STPG4: variants seen among roughly 807,000 people sequenced by gnomAD.
STPG4 encodes the protein sperm-tail PG-rich repeat containing 4, also known as protein STPG4.
In STPG4, 41 loss-of-function variants were observed where a neutral mutation model predicts 31.5. That is an observed-to-expected ratio of 1.30 (90% CI 1.01 to 1.69). The LOEUF is 1.69. Ranked by LOEUF, STPG4 falls within the 40% of genes most tolerant of loss-of-function variation. The probability of loss-of-function intolerance (pLI) is 0.00; values close to 1 mark genes in which losing one functional copy is unlikely to be tolerated. For missense variants in STPG4, 375 were observed against 293.4 expected, an observed-to-expected ratio of 1.28 and a Z score of -2.03; for synonymous variants, 141 against 103.0, an observed-to-expected ratio of 1.37 and a Z score of -2.24.
chr2:47,126,113 T>A (rs1349235258), intron 5 of STPG4, among the ~76,000 whole-genome samples: 2 of 152,222 alleles, frequency 1.3e-5, no homozygotes, highest in African/African-American at 4.8e-5. Context: ...CATACTGTTT[T>A]TGCTACAATA....
chr2:47,151,638 T>A, intron 2 of STPG4, 123 bp from the exon 3 acceptor site: 1 of 754,878 alleles, frequency 1.3e-6, no homozygotes, highest in Non-Finnish European at 2.2e-6. Context: ...TGAAATTATA[T>A]CAAATACAGT....
intron 6 of STPG4, among the ~76,000 whole-genome samples, chr2:47,088,455 G>C (rs1210840153): frequency 6.6e-6 from 1 of 152,208 alleles, no homozygotes; most frequent in African/African-American, 2.4e-5. Context: ...CTGAGTTCCA[G>C]TCCTAGTCCC....
intron 1 of STPG4, 32 bp from the exon 2 acceptor site, chr2:47,153,048 T>C (rs749127246): frequency 1.3e-6 from 2 of 1,540,896 alleles, no homozygotes; most frequent in Non-Finnish European, 1.8e-6. Flanking sequence ...GCTTATTCAT[T>C]TGAGAGGTGA....
rs966696825 is a variant in STPG4 at position 47,104,379 on chromosome 2, C to T, written c.520-14005G>A. On this transcript the variant is annotated intron_variant, in intron 5 of 6. Coordinates refer to ENST00000445927, the MANE Select transcript of STPG4 (RefSeq NM_001163561.2). ...CAATTCTGGGAGTAAAAAAACCAAA[C>T]GGTCAGTGGAGACTAGTGCAAGATC... Among the ~76,000 whole-genome samples, 46 of 152,112 alleles carry T rather than the reference C, an allele frequency of 3.0e-4. 1 individual carries two copies. The highest frequency in any genetic ancestry group is 7.7e-4 in the African/African-American group (32 of 41,400).
At chr2:47,130,808 C>A (rs1209121184) in intron 3 of STPG4, among the ~76,000 whole-genome samples, 1 of 151,968 alleles carries the variant, frequency 6.6e-6, no homozygotes, top group Non-Finnish European at 1.5e-5. Context: ...AACTACCGTG[C>A]CCAGCCACAT....
At chr2:47,114,923 A>T (rs991476416) in intron 5 of STPG4, among the ~76,000 whole-genome samples, 2 of 152,060 alleles carry the variant, frequency 1.3e-5, no homozygotes, top group Non-Finnish European at 2.9e-5. Flanking sequence ...ATGCTCCACC[A>T]TGCCCAGCTA....
rs553462324 is a variant in STPG4 at position 47,133,694 on chromosome 2, C to T, written c.400-3434G>A. Among the ~76,000 whole-genome samples, 4 of 146,850 alleles carry T rather than the reference C, an allele frequency of 2.7e-5. No individual in the cohort carries two copies. The South Asian group carries it at 6.5e-4, about 24-fold the overall frequency. On this transcript the variant is annotated intron_variant, in intron 3 of 6. Transcript: ENST00000445927. ...CCGGGTTCAAGTGATTCTCCTGCCT[C>T]AGCCTCCTGAGTAGCTGGGATTACA...
chr2:47,090,503 A>G (rs1245509354), intron 5 of STPG4, 129 bp from the exon 6 acceptor site: 1 of 651,120 alleles, frequency 1.5e-6, no homozygotes, highest in East Asian at 2.8e-5. Context: ...TTTGGTCTCG[A>G]GAGATCTCTT....
rs141043494 is a variant in STPG4, at chr2:47,129,726, G to C, written c.519+215C>G. 2.0e-3 allele frequency: 1,027 copies of C among 525,292 alleles called. 9 individuals carry two copies. The highest frequency in any genetic ancestry group is 0.018 in the African/African-American group (912 of 51,714). 32.5% of individuals were successfully genotyped at this position (525,292 alleles called of 1,614,324 possible). A position where few individuals can be genotyped will look rare whatever the true frequency, so the allele number is the denominator to read the frequency against. The stretch of plus-strand genomic sequence containing the variant: ...TACCCTCTTCAGTGCCTCTTTCCTT[G>C]ATACAATGTTAAAACCTGGTATTGC... On this transcript the variant is annotated intron_variant, in intron 5 of 6. Coordinates refer to ENST00000445927, the MANE Select transcript of STPG4 (RefSeq NM_001163561.2).
At position 47,108,197 on chromosome 2, in the gene STPG4, C is replaced by T. The variant is rs543360972; in HGVS notation, c.520-17823G>A. 3.8e-3 allele frequency among the ~76,000 whole-genome samples: 578 copies of T among 151,548 alleles called. 6 individuals carry two copies. The highest frequency in any genetic ancestry group is 0.013 in the African/African-American group (548 of 41,224). On this transcript the variant is annotated intron_variant, in intron 5 of 6. Transcript: ENST00000445927. ...CAGCGCCCTGTCAAAACAGACCACTCGGCTCTACCAATCAGCAGGATGTGG... is the reference window on the plus strand; with the variant it reads ...CAGCGCCCTGTCAAAACAGACCACTTGGCTCTACCAATCAGCAGGATGTGG...
chr2:47,133,137 A>G (rs1686521813), intron 3 of STPG4, among the ~76,000 whole-genome samples: 1 of 151,338 alleles, frequency 6.6e-6, no homozygotes, highest in Admixed American at 6.6e-5. Flanking sequence ...ATATGTGCAT[A>G]TATATATTTC....
intron 3 of STPG4, among the ~76,000 whole-genome samples, chr2:47,137,776 A>G (rs1686625554): frequency 6.6e-6 from 1 of 152,160 alleles, no homozygotes; most frequent in African/African-American, 2.4e-5. Flanking sequence ...TATTCAGAAT[A>G]TTCCTTTACT....
chr2:47,154,694 G>A (rs1363322183), intron 1 of STPG4, among the ~76,000 whole-genome samples: 1 of 152,244 alleles, frequency 6.6e-6, no homozygotes, highest in African/African-American at 2.4e-5. Context: ...TCACACCGCT[G>A]CACTCCTGCC....
chr2:47,122,325 A>C (rs1197396270), intron 5 of STPG4, among the ~76,000 whole-genome samples: 1 of 152,104 alleles, frequency 6.6e-6, no homozygotes, highest in Non-Finnish European at 1.5e-5. Context: ...CTGATATACA[A>C]AGCATTTTTA....
At chr2:47,090,714 C>G (rs745403412) in intron 5 of STPG4, among the ~76,000 whole-genome samples, 1 of 152,210 alleles carries the variant, frequency 6.6e-6, no homozygotes, top group African/African-American at 2.4e-5. Flanking sequence ...TGCCTCATGC[C>G]GTACTTCTCC....
At chr2:47,121,847 C>CGTGTGTGTGTGTGTGTGT (rs10538224) in intron 5 of STPG4, among the ~76,000 whole-genome samples, 2 of 144,328 alleles carry the variant, frequency 1.4e-5, no homozygotes, top group African/African-American at 5.2e-5. Flanking sequence ...GCCCTCTCCT[C>CGTGTGTGTGTGTGTGTGT]GTGTGTGTGT....
intron 3 of STPG4, among the ~76,000 whole-genome samples, chr2:47,136,029 T>C (rs1686588199): frequency 6.6e-6 from 1 of 152,256 alleles, no homozygotes; most frequent in Non-Finnish European, 1.5e-5. Flanking sequence ...TAACATTCTC[T>C]AATTATTATT....
intron 5 of STPG4, 38 bp downstream of exon 5, chr2:47,129,903 C>G: frequency 6.2e-7 from 1 of 1,600,092 alleles, no homozygotes; most frequent in Non-Finnish European, 8.5e-7. Context: ...TTTTAAACAT[C>G]AAATTCATCA....
intron 5 of STPG4, among the ~76,000 whole-genome samples, chr2:47,098,313 C>G (rs1204583072): frequency 6.6e-6 from 1 of 152,210 alleles, no homozygotes; most frequent in Non-Finnish European, 1.5e-5. Context: ...AGCATTCTTT[C>G]ATACACCTAC....
Sources: allele counts gnomAD v4.1 joint callset (sites outside exome capture counted in the v4.1 genomes callset), GRCh38; gene constraint gnomAD v4.1.1; transcripts MANE v1.5; gene names NCBI Gene and HGNC (gene_info 2026-07-23, HGNC 2026-07-21).